Variants in IRAK3 observed in about 807,000 individuals in gnomAD.
The protein encoded by IRAK3 is interleukin-1 receptor-associated kinase 3.
A neutral mutation model predicts 56.6 loss-of-function variants in IRAK3; 57 were observed. That is an observed-to-expected ratio of 1.01 (90% CI 0.81 to 1.26). IRAK3 has a LOEUF of 1.26. Among genes scored for constraint, IRAK3 ranks in the 50% most tolerant of loss-of-function variants. IRAK3 has a pLI of 0.00. For missense variants in IRAK3, 703 were observed against 719.0 expected, an observed-to-expected ratio of 0.98 and a Z score of 0.25; for synonymous variants, 258 against 255.7, an observed-to-expected ratio of 1.01 and a Z score of -0.09.
intron 11 of IRAK3, among the ~76,000 whole-genome samples, chr12:66,245,721 C>CG (rs1022576498): frequency 4.6e-5 from 7 of 151,510 alleles, no homozygotes; most frequent in African/African-American, 1.7e-4. Context: ...TTAATAGAGG[C>CG]GGGGTTTCAC....
chr12:66,227,056 C>G (rs983446943), intron 7 of IRAK3, among the ~76,000 whole-genome samples: 1 of 152,104 alleles, frequency 6.6e-6, no homozygotes, highest in African/African-American at 2.4e-5. Flanking sequence ...ATTTTGGTAA[C>G]CATGTTGGGT....
intron 8 of IRAK3, among the ~76,000 whole-genome samples, chr12:66,231,231 G>A (rs1315251610): frequency 6.6e-6 from 1 of 152,122 alleles, no homozygotes; most frequent in African/African-American, 2.4e-5. Context: ...ATGTTTACTG[G>A]CCAGGTGTGG....
intron 1 of IRAK3, among the ~76,000 whole-genome samples, chr12:66,201,806 A>C (rs1272412616): frequency 6.6e-6 from 1 of 152,198 alleles, no homozygotes; most frequent in Non-Finnish European, 1.5e-5. Context: ...AAAAGTGTTC[A>C]ATGGGAAGAC....
At chr12:66,226,150 T>A (rs1216089677) in intron 6 of IRAK3, among the ~76,000 whole-genome samples, 1 of 152,224 alleles carries the variant, frequency 6.6e-6, no homozygotes, top group African/African-American at 2.4e-5. Context: ...AATCTTTATT[T>A]TTTTAAATTT....
chr12:66,204,014 G>A lies in IRAK3; in HGVS notation c.316+121G>A, dbSNP rs2052534421. On this transcript the variant is annotated intron_variant, in intron 2 of 11. Transcript: ENST00000261233. ...GCTCTGTGTCAGTGTTTCCTTACCT[G>A]TGGCTTTTATCTGGAAGGGACTTTC... 3.3e-6 allele frequency: 3 copies of A among 903,566 alleles called. No homozygotes were observed. In the South Asian group the frequency reaches 4.4e-5, roughly 13 times the overall value. The allele number at this position is 903,566 out of a possible 1,614,324, so 56.0% of individuals were successfully genotyped here. A position where few individuals can be genotyped will look rare whatever the true frequency, so the allele number is the denominator to read the frequency against.
chr12:66,224,230 A>C (rs1308824666), intron 6 of IRAK3, among the ~76,000 whole-genome samples: 1 of 152,188 alleles, frequency 6.6e-6, no homozygotes, highest in Middle Eastern at 3.2e-3. Flanking sequence ...TTTGCAGATG[A>C]GGAAACTGAG....
chr12:66,209,419 A>AT (rs1186319422), intron 2 of IRAK3, 37 bp from the exon 3 acceptor site: 7 of 1,341,506 alleles, frequency 5.2e-6, no homozygotes, highest in Non-Finnish European at 6.4e-6. Flanking sequence ...GGGACATAAA[A>AT]TTTTTTTGTA....
intron 6 of IRAK3, among the ~76,000 whole-genome samples, chr12:66,220,551 C>T (rs1169901104): frequency 2.9e-5 from 3 of 103,178 alleles, no homozygotes; most frequent in South Asian, 3.4e-4. Flanking sequence ...GACGGAGTCT[C>T]GCTCTGTCGC....
intron 5 of IRAK3, among the ~76,000 whole-genome samples, chr12:66,212,110 C>CAAA (rs11405352): frequency 1.5e-5 from 2 of 136,628 alleles, no homozygotes; most frequent in Non-Finnish European, 1.6e-5. Flanking sequence ...GACACCACCT[C>CAAA]AAAAAAAAAA....
chr12:66,242,266 G>A (rs2052978214), intron 8 of IRAK3, among the ~76,000 whole-genome samples: 3 of 152,138 alleles, frequency 2.0e-5, no homozygotes, highest in South Asian at 4.1e-4. Context: ...CTGGCCCACC[G>A]GCAAACTCCT....
Position 66,226,776 on chromosome 12 carries a change from A to G in IRAK3, c.707A>G (p.Lys236Arg). 6.2e-7 allele frequency: 1 copy of G among 1,611,746 alleles called. No homozygotes were observed. Among genetic ancestry groups the G allele is most frequent in the Non-Finnish European group, 8.5e-7 (1 of 1,177,806 alleles). The part of the protein sequence containing the change: ...ELAAYFTETE[K>R]FCLIYPYMRN... ...GCTGCATATTTTACAGAGACTGAGA[A>G]GTTCTGTCTGATTTATCCATACATG... The change falls in exon 7 of 12, where the codon AAG becomes AGG. Residue 236 changes from lysine (K) to arginine (R), a missense_variant. Physicochemically the swap from Lys to Arg is conservative, Grantham distance 26. Coordinates refer to ENST00000261233, the MANE Select transcript of IRAK3 (RefSeq NM_007199.3).
intron 1 of IRAK3, among the ~76,000 whole-genome samples, chr12:66,196,003 G>T (rs2052449282): frequency 6.6e-6 from 1 of 150,394 alleles, no homozygotes; most frequent in Non-Finnish European, 1.5e-5. Flanking sequence ...ACTCTCTTAT[G>T]CCTCTTTTCC....
rs1483471175 is a variant in IRAK3 at position 66,253,335 on chromosome 12, C to T, written c.*5164C>T. On this transcript the variant is annotated 3_prime_UTR_variant, in exon 12 of 12. Coordinates refer to ENST00000261233, the MANE Select transcript of IRAK3 (RefSeq NM_007199.3). Reference sequence around the variant, plus strand: ...TGTATGTGTTGCTTATAAATTTTCTCTATGGTGGAAAATATTCCCAAACCA... The same window carrying T: ...TGTATGTGTTGCTTATAAATTTTCTTTATGGTGGAAAATATTCCCAAACCA... 1 of 152,172 alleles carries T rather than the reference C, an allele frequency of 6.6e-6. No homozygotes were observed. Among genetic ancestry groups the T allele is most frequent in the Non-Finnish European group, 1.5e-5 (1 of 68,036 alleles). 9.4% of individuals were successfully genotyped at this position (152,172 alleles called of 1,614,324 possible). A position where few individuals can be genotyped will look rare whatever the true frequency, so the allele number is the denominator to read the frequency against.
intron 8 of IRAK3, among the ~76,000 whole-genome samples, chr12:66,232,914 T>C (rs1474013425): frequency 1.3e-5 from 2 of 152,174 alleles, no homozygotes; most frequent in Non-Finnish European, 2.9e-5. Flanking sequence ...TGGAAGATGC[T>C]GTTACCTTTA....
chr12:66,226,550 T>A (rs928280156), intron 6 of IRAK3, among the ~76,000 whole-genome samples, 173 bp from the exon 7 acceptor site: 1 of 152,200 alleles, frequency 6.6e-6, no homozygotes, highest in Non-Finnish European at 1.5e-5. Flanking sequence ...CCGTTAGAAC[T>A]CTTTAGACCA....
At chr12:66,235,003 C>A in intron 8 of IRAK3, 1 of 1,613,812 alleles carries the variant, frequency 6.2e-7, no homozygotes, top group South Asian at 1.1e-5. Context: ...TGTTCGTTGT[C>A]TTATGCAAAA....
chr12:66,208,889 C>T (rs1235536775), intron 2 of IRAK3, among the ~76,000 whole-genome samples: 2 of 151,694 alleles, frequency 1.3e-5, no homozygotes, highest in African/African-American at 2.4e-5. Context: ...CATGGTAAAA[C>T]CCCATCTCTA....
At chr12:66,202,961 T>C (rs1486763156) in intron 1 of IRAK3, among the ~76,000 whole-genome samples, 1 of 151,886 alleles carries the variant, frequency 6.6e-6, no homozygotes, top group Non-Finnish European at 1.5e-5. Context: ...CCCATAGATA[T>C]AAATAAACAA....
intron 5 of IRAK3, among the ~76,000 whole-genome samples, chr12:66,215,801 C>CGT (rs2052669335): frequency 2.0e-5 from 3 of 151,306 alleles, no homozygotes; most frequent in African/African-American, 7.4e-5. Flanking sequence ...CACACACACA[C>CGT]ACACACACAC....
Sources: gnomAD v4.1 joint callset for allele counts (sites outside exome capture counted in the v4.1 genomes callset) on GRCh38, gnomAD v4.1.1 for gene constraint, MANE v1.5 for transcripts, NCBI Gene and HGNC (gene_info 2026-07-23, HGNC 2026-07-21) for gene names.